The following ATP8A1 variants were observed in gnomAD, a reference collection of about 807,000 sequenced individuals.
ATP8A1 encodes ATPase phospholipid transporting 8A1.
ATP8A1 carries 90 observed loss-of-function variants against 177.7 expected under a neutral mutation model. The ratio of observed to expected loss-of-function variants is 0.51; its 90% CI spans 0.43 to 0.60. The LOEUF (loss-of-function observed/expected upper bound fraction) is 0.60, where lower values mean the gene tolerates loss of function less well. Ranked by LOEUF, ATP8A1 falls within the 20% of genes least tolerant of loss-of-function variation. The pLI, the probability that ATP8A1 is intolerant of heterozygous loss-of-function variation, is 0.00. For synonymous variants in ATP8A1, 493 were observed against 485.9 expected (o/e 1.01, Z -0.19); for missense variants, 1,072 against 1,392.8 (o/e 0.77, Z 3.67).
intron 22 of ATP8A1, among the ~76,000 whole-genome samples, chr4:42,514,631 T>C (rs1333929586): frequency 1.3e-5 from 2 of 152,144 alleles, no homozygotes; most frequent in Non-Finnish European, 2.9e-5. Context: ...AACTGCACAA[T>C]TGATTTCATT....
At chr4:42,588,842 T>C (rs1733885013) in intron 7 of ATP8A1, among the ~76,000 whole-genome samples, 1 of 152,222 alleles carries the variant, frequency 6.6e-6, no homozygotes, top group Non-Finnish European at 1.5e-5. Context: ...TAAACCATAA[T>C]ATTTAAATTT....
chr4:42,452,880 G>A (rs1450756482), intron 29 of ATP8A1, among the ~76,000 whole-genome samples: 1 of 152,166 alleles, frequency 6.6e-6, no homozygotes, highest in Non-Finnish European at 1.5e-5. Context: ...TGTATTAATA[G>A]TTTTAAGCTG....
At chr4:42,564,780 G>A (rs980341838) in intron 15 of ATP8A1, among the ~76,000 whole-genome samples, 3 of 152,158 alleles carry the variant, frequency 2.0e-5, no homozygotes, top group African/African-American at 7.2e-5. Flanking sequence ...TTGTTAGGAA[G>A]GCATGATTGG....
At chr4:42,415,668 G>A (rs1179525661) in intron 35 of ATP8A1, among the ~76,000 whole-genome samples, 1 of 152,176 alleles carries the variant, frequency 6.6e-6, no homozygotes, top group Non-Finnish European at 1.5e-5. Context: ...AAATGTTTAT[G>A]CAATTTTAAT....
intron 25 of ATP8A1, 144 bp from the exon 26 acceptor site, chr4:42,465,220 GT>G: frequency 1.4e-6 from 1 of 736,402 alleles, no homozygotes; most frequent in Non-Finnish European, 2.2e-6. Context: ...GTTTGCAAAT[GT>G]TTACTCATCT....
intron 20 of ATP8A1, among the ~76,000 whole-genome samples, chr4:42,541,390 TG>T (rs1560437875): frequency 6.6e-6 from 1 of 152,212 alleles, no homozygotes; most frequent in Non-Finnish European, 1.5e-5. Context: ...GGTGAAGATG[TG>T]GAGCAACAAA....
At chr4:42,590,746 A>C (rs1362361409) in intron 7 of ATP8A1, 65 bp downstream of exon 7, 9 of 1,466,264 alleles carry the variant, frequency 6.1e-6, no homozygotes, top group Non-Finnish European at 9.5e-7. Context: ...ATTTGGGTGC[A>C]ACTGTTCTCC....
chr4:42,635,780 C>CATATATATATATATATATATAT (rs1317800276), intron 1 of ATP8A1, among the ~76,000 whole-genome samples: 53 of 43,416 alleles, frequency 1.2e-3, no homozygotes, highest in South Asian at 2.5e-3. Context: ...CACACACACA[C>CATATATATATATATATATATAT]ACATATATAT....
Position 42,627,059 on chromosome 4 carries a change from C to T in ATP8A1, c.100G>A (p.Glu34Lys), listed in dbSNP as rs770697673. The change falls in exon 2 of 37, where the codon GAG (glutamate) becomes AAG (lysine). Residue 34 changes from glutamate to lysine, a missense_variant. By Grantham distance (56) the Glu-to-Lys change is moderately conservative. Coordinates refer to ENST00000381668, the MANE Select transcript of ATP8A1 (RefSeq NM_006095.2). ...VSEKTSLADQ[E>K]EVRTIFINQP... Reference sequence around the variant, plus strand: ...TTGATGAAAATAGTCCTTACTTCCTCCTGGTCAGCCAGTGAGGTCTTCTCT... The same window carrying T: ...TTGATGAAAATAGTCCTTACTTCCTTCTGGTCAGCCAGTGAGGTCTTCTCT... 1 of 1,614,130 alleles carries T rather than the reference C, an allele frequency of 6.2e-7. No individual in the cohort carries two copies. The highest frequency in any genetic ancestry group is 1.7e-5 in the Admixed American group (1 of 60,018).
At chr4:42,538,761 A>C (rs1409863920) in intron 20 of ATP8A1, among the ~76,000 whole-genome samples, 1 of 152,148 alleles carries the variant, frequency 6.6e-6, no homozygotes, top group African/African-American at 2.4e-5. Flanking sequence ...AAAATAATAG[A>C]TGTTGGTAGG....
At chr4:42,535,917 T>A (rs1191532516) in intron 20 of ATP8A1, among the ~76,000 whole-genome samples, 7 of 152,196 alleles carry the variant, frequency 4.6e-5, no homozygotes, top group African/African-American at 1.7e-4. Flanking sequence ...TTGAACTGAA[T>A]AATAGTGACA....
intron 7 of ATP8A1, among the ~76,000 whole-genome samples, chr4:42,588,873 A>G (rs1733886620): frequency 6.6e-6 from 1 of 152,250 alleles, no homozygotes; most frequent in Admixed American, 6.5e-5. Context: ...AAAAAAAGTA[A>G]TATGAACAAA....
intron 35 of ATP8A1, among the ~76,000 whole-genome samples, chr4:42,421,698 C>T (rs1396103744): frequency 6.6e-6 from 1 of 152,062 alleles, no homozygotes; most frequent in African/African-American, 2.4e-5. Context: ...GACAACTACT[C>T]CATTGTGTCA....
At chr4:42,506,789 C>G (rs1358977235) in intron 23 of ATP8A1, among the ~76,000 whole-genome samples, 2 of 152,132 alleles carry the variant, frequency 1.3e-5, no homozygotes, top group African/African-American at 4.8e-5. Context: ...AATCAAGTAT[C>G]AATACATAAA....
rs559026327 is a variant in ATP8A1 at position 42,496,296 on chromosome 4, A to C, written c.2151+7154T>G. Among the ~76,000 whole-genome samples the C allele has an allele frequency of 3.9e-5, 6 of 152,298 alleles. No individual in the cohort carries two copies. The South Asian group carries it at 1.2e-3, about 32-fold the overall frequency. ...AGGGATATAATTATATAATTTAAAG[A>C]GTTTTCTGGATAAAGGCTTTTACCA... On this transcript the variant is annotated intron_variant, in intron 24 of 36. Transcript: ENST00000381668.
chr4:42,440,289 C>T (rs371634382), intron 33 of ATP8A1, among the ~76,000 whole-genome samples: 16 of 151,488 alleles, frequency 1.1e-4, no homozygotes, highest in Middle Eastern at 3.4e-3. Flanking sequence ...AGTCCTACAG[C>T]GAAAATATAA....
chr4:42,489,301 C>T (rs950106617), intron 24 of ATP8A1, among the ~76,000 whole-genome samples: 1 of 152,142 alleles, frequency 6.6e-6, no homozygotes, highest in Non-Finnish European at 1.5e-5. Context: ...TGTGAAACGC[C>T]CTCATGAACC....
At chr4:42,597,339 C>G (rs1734818766) in intron 6 of ATP8A1, among the ~76,000 whole-genome samples, 1 of 152,182 alleles carries the variant, frequency 6.6e-6, no homozygotes, top group Non-Finnish European at 1.5e-5. Flanking sequence ...ATCTTGTTAT[C>G]CCAACAAGTA....
At chr4:42,535,182 A>G (rs1291546573) in intron 20 of ATP8A1, among the ~76,000 whole-genome samples, 3 of 152,098 alleles carry the variant, frequency 2.0e-5, no homozygotes, top group Non-Finnish European at 2.9e-5. Flanking sequence ...ATGTAAATGG[A>G]TAAGAATTCA....
Sources: gnomAD v4.1 joint callset for allele counts (sites outside exome capture counted in the v4.1 genomes callset) on GRCh38, gnomAD v4.1.1 for gene constraint, MANE v1.5 for transcripts, NCBI Gene and HGNC (gene_info 2026-07-23, HGNC 2026-07-21) for gene names.